RPL3: variants seen among roughly 807,000 people sequenced by gnomAD.
The protein encoded by RPL3 is large ribosomal subunit protein uL3.
RPL3 carries 3 observed loss-of-function variants against 46.0 expected under a neutral mutation model. The ratio of observed to expected loss-of-function variants is 0.07; its 90% CI spans 0.03 to 0.17. The LOEUF (loss-of-function observed/expected upper bound fraction) is 0.17, where lower values mean the gene tolerates loss of function less well. Ranked by LOEUF, RPL3 falls within the 10% of genes least tolerant of loss-of-function variation. RPL3 has a pLI of 1.00. For missense variants in RPL3, 387 were observed against 532.7 expected, an observed-to-expected ratio of 0.73 and a Z score of 2.69; for synonymous variants, 224 against 190.8, an observed-to-expected ratio of 1.17 and a Z score of -1.43.
intron 1 of RPL3, chr22:39,319,159 G>C (rs758541741): frequency 1.8e-5 from 10 of 544,018 alleles, no homozygotes; most frequent in South Asian, 8.4e-5. Context: ...AGCGGCCCCA[G>C]ATATTCAGGA....
At chr22:39,316,961 G>A in intron 3 of RPL3, 120 bp from the exon 4 acceptor site, 1 of 1,534,708 alleles carries the variant, frequency 6.5e-7, no homozygotes, top group Non-Finnish European at 9.0e-7. Flanking sequence ...CGGCTTCTAA[G>A]GAGCCTTTTC....
intron 2 of RPL3, 186 bp downstream of exon 2, chr22:39,318,214 A>G: frequency 1.6e-6 from 1 of 615,590 alleles, no homozygotes; most frequent in African/African-American, 1.9e-5. Context: ...AGTGCTGACC[A>G]TCTGTAGCCT....
chr22:39,314,369 T>A (rs1922548534), intron 6 of RPL3, 161 bp from the exon 7 acceptor site: 2 of 679,714 alleles, frequency 2.9e-6, no homozygotes, highest in Non-Finnish European at 5.0e-6. Context: ...CCCTCCAGGT[T>A]CCTTTCTGTA....
chr22:39,314,928 TGGCTG>T, intron 5 of RPL3, 82 bp from the exon 6 acceptor site: 2 of 1,551,640 alleles, frequency 1.3e-6, no homozygotes, highest in Non-Finnish European at 1.8e-6. Context: ...TTACCAACCA[TGGCTG>T]GGTCATCTGA....
At chr22:39,318,779 A>G (rs895243641) in intron 1 of RPL3, among the ~76,000 whole-genome samples, 187 bp from the exon 2 acceptor site, 2 of 152,194 alleles carry the variant, frequency 1.3e-5, no homozygotes, top group African/African-American at 2.4e-5. Flanking sequence ...GTATTCGACA[A>G]AATTTAAGCT....
chr22:39,313,555 C>A, intron 8 of RPL3, 79 bp downstream of exon 8: 1 of 1,430,672 alleles, frequency 7.0e-7, no homozygotes, highest in Non-Finnish European at 9.7e-7. Flanking sequence ...TCCTCTCCCA[C>A]CACAGGGCCA....
rs11547989 is a variant in RPL3 at position 39,318,408 on chromosome 22, G to A, written c.188C>T (p.Pro63Leu). ...AGGATGTCTGTACATACTGGATCCC[G>A]GCCTGTCGACTTCCCGCACGATGTG... Reference protein sequence around the residue: ...MTHIVREVDRPGSKVNKKEVV... With the variant: ...MTHIVREVDRLGSKVNKKEVV... Residue 63 changes from proline (P) to leucine (L), a missense_variant, in exon 2 of 10, where the codon CCG becomes CTG. Physicochemically the swap from Pro to Leu is moderately conservative, Grantham distance 98. This residue lies in a region of RPL3 where 196 missense variants were observed against 217.5 expected (regional missense o/e 0.90). Coordinates refer to ENST00000216146, the MANE Select transcript of RPL3 (RefSeq NM_000967.4). 9 of 1,613,508 alleles carry A rather than the reference G, an allele frequency of 5.6e-6. No individual in the cohort carries two copies. The highest frequency in any genetic ancestry group is 6.8e-6 in the Non-Finnish European group (8 of 1,179,852).
rs117125584 is a variant in RPL3 at position 39,318,389 on chromosome 22, T to C, written c.196+11A>G. ...TCCTATTCCCCCAACTTTTAGGATG[T>C]CTGTACATACTGGATCCCGGCCTGT... On this transcript the variant is annotated intron_variant, in intron 2 of 9. Coordinates refer to ENST00000216146, the MANE Select transcript of RPL3 (RefSeq NM_000967.4). 9,084 of 1,612,892 alleles carry C rather than the reference T, an allele frequency of 5.6e-3. 274 individuals are homozygous for C. The Admixed American group carries it at 0.071, about 13-fold the overall frequency.
At chr22:39,313,548 T>C in intron 8 of RPL3, 86 bp downstream of exon 8, 2 of 1,379,960 alleles carry the variant, frequency 1.4e-6, no homozygotes, top group Non-Finnish European at 2.0e-6. Context: ...CTTCCTTTCC[T>C]CTCCCACCAC....
chr22:39,313,782 A>T, intron 7 of RPL3, 53 bp from the exon 8 acceptor site: 1 of 1,526,956 alleles, frequency 6.5e-7, no homozygotes. Context: ...TGTCGTGCAG[A>T]TGACCCCTCC....
chr22:39,318,626 A>G (rs368065451), intron 1 of RPL3, 34 bp from the exon 2 acceptor site: 578 of 1,553,058 alleles, frequency 3.7e-4, no homozygotes, highest in Non-Finnish European at 4.7e-4. Flanking sequence ...CAGCACCCAA[A>G]CCAAAGCAGT....
intron 9 of RPL3, 25 bp from the exon 10 acceptor site, chr22:39,313,009 G>C (rs369768253): frequency 7.9e-5 from 128 of 1,613,944 alleles, no homozygotes; most frequent in Non-Finnish European, 1.1e-4. Flanking sequence ...GCAGTGGTCA[G>C]AGGTAGAAGA....
chr22:39,317,422 A>C (rs1297121690), intron 3 of RPL3, 39 bp downstream of exon 3: 2 of 1,570,628 alleles, frequency 1.3e-6, no homozygotes, highest in South Asian at 1.2e-5. Flanking sequence ...TCCAGCTCCC[A>C]AGCTCCCAAG....
intron 9 of RPL3, 21 bp downstream of exon 9, chr22:39,313,170 G>T (rs368704394): frequency 1.2e-6 from 2 of 1,605,954 alleles, no homozygotes; most frequent in Non-Finnish European, 1.7e-6. Flanking sequence ...CCCAGCGAGG[G>T]GGGCAGGCAG....
In RPL3 at chr22:39,312,979, T is replaced by C. The variant is rs778183643; in HGVS notation, c.1173A>G (p.Pro391=). ...CCTTTGCAATTCGGTCTTTCTTCAG[T>C]GGTCCCTGTGGGGAGAGAGGCAGTG... ...TMEEKKAFMG[P]LKKDRIAKEE... is the part of the protein sequence containing the mutation. The change falls in exon 10 of 10, where the codon CCA becomes CCG. Residue 391 remains proline, a synonymous_variant. Transcript: ENST00000216146. The C allele has an allele frequency of 1.5e-5, 24 of 1,614,046 alleles. No homozygotes were observed. The South Asian group carries it at 2.2e-4, about 15-fold the overall frequency.
chr22:39,315,043 G>T, intron 5 of RPL3, 197 bp from the exon 6 acceptor site: 1 of 742,510 alleles, frequency 1.3e-6, no homozygotes, highest in Non-Finnish European at 2.2e-6. Context: ...CTGAATGGGT[G>T]CTTTTTAAGG....
At position 39,317,817 on chromosome 22, in the gene RPL3, A is replaced by C. The variant is rs912601765; in HGVS notation, c.197-188T>G. ...AGCACATTTATGTTATTCAAACAAA[A>C]AATATCAGGACCCTAGACAGCCAAA... On this transcript the variant is annotated intron_variant, in intron 2 of 9. Coordinates refer to ENST00000216146, the MANE Select transcript of RPL3 (RefSeq NM_000967.4). 2.0e-5 allele frequency: 12 copies of C among 604,884 alleles called. No homozygotes were observed. In the Admixed American group the frequency reaches 3.6e-4, roughly 18 times the overall value. The allele number at this position is 604,884 out of a possible 1,614,324, so 37.5% of individuals were successfully genotyped here.
At chr22:39,318,227 G>T (rs1922825365) in intron 2 of RPL3, 173 bp downstream of exon 2, 3 of 640,636 alleles carry the variant, frequency 4.7e-6, no homozygotes, top group Non-Finnish European at 7.9e-6. Context: ...TGTAGCCTTG[G>T]AATATTAGTT....
At chr22:39,317,690 C>G in intron 2 of RPL3, 61 bp from the exon 3 acceptor site, 4 of 1,585,300 alleles carry the variant, frequency 2.5e-6, no homozygotes, top group East Asian at 2.3e-5. Flanking sequence ...GTAATGTTTT[C>G]TAGGAAAATG....
Sources: gnomAD v4.1 joint callset for allele counts (sites outside exome capture counted in the v4.1 genomes callset) on GRCh38, gnomAD v4.1.1 for gene constraint, gnomAD v4.1.1 regional missense constraint, MANE v1.5 for transcripts, NCBI Gene and HGNC (gene_info 2026-07-23, HGNC 2026-07-21) for gene names.